Variants in RBFOX1 observed in about 807,000 individuals in gnomAD.
The protein encoded by RBFOX1 is RNA binding protein fox-1 homolog 1.
A neutral mutation model predicts 57.7 loss-of-function variants in RBFOX1; 8 were observed. The ratio of observed to expected loss-of-function variants is 0.14; its 90% CI spans 0.08 to 0.25. The LOEUF is 0.25. Ranked by LOEUF, RBFOX1 falls within the 10% of genes least tolerant of loss-of-function variation. RBFOX1 has a pLI of 1.00. For synonymous variants in RBFOX1, 326 were observed against 222.4 expected (o/e 1.47, Z -4.15); for missense variants, 611 against 548.5 (o/e 1.11, Z -1.14).
intron 10 of RBFOX1, among the ~76,000 whole-genome samples, chr16:7,616,748 T>C (rs1415155854): frequency 6.6e-6 from 1 of 152,116 alleles, no homozygotes; most frequent in Non-Finnish European, 1.5e-5. Flanking sequence ...GCCAGGCTGG[T>C]CTTGAACTCC....
chr16:6,430,096 G>A (rs1338441570), intron 2 of RBFOX1, among the ~76,000 whole-genome samples: 7 of 150,608 alleles, frequency 4.6e-5, no homozygotes, highest in East Asian at 1.9e-4. Context: ...CAACAAGAGC[G>A]AAACTCCATC....
At chr16:6,207,946 A>AT (rs1479760303) in intron 1 of RBFOX1, among the ~76,000 whole-genome samples, 1 of 151,862 alleles carries the variant, frequency 6.6e-6, no homozygotes, top group Admixed American at 6.6e-5. Flanking sequence ...TTACTTCAGA[A>AT]TTTTTTTTAA....
At chr16:6,207,554 A>C (rs947280260) in intron 1 of RBFOX1, among the ~76,000 whole-genome samples, 1 of 152,174 alleles carries the variant, frequency 6.6e-6, no homozygotes, top group African/African-American at 2.4e-5. Context: ...CGGTTTCTAA[A>C]ATTTTTCTCT....
At chr16:5,312,720 A>G (rs1411524527) in intron 1 of RBFOX1, among the ~76,000 whole-genome samples, 1 of 152,238 alleles carries the variant, frequency 6.6e-6, no homozygotes, top group Non-Finnish European at 1.5e-5. Context: ...CAAATGACCA[A>G]CAAACATAGG....
chr16:7,045,525 C>G (rs2047610119), intron 3 of RBFOX1, among the ~76,000 whole-genome samples: 3 of 152,308 alleles, frequency 2.0e-5, no homozygotes, highest in African/African-American at 2.4e-5. Flanking sequence ...GGTGCCACTT[C>G]ACATGGCACA....
chr16:5,523,293 A>G (rs540677268), intron 2 of RBFOX1, among the ~76,000 whole-genome samples: 1 of 152,022 alleles, frequency 6.6e-6, no homozygotes, highest in South Asian at 2.1e-4. Flanking sequence ...TTCAAAAAAA[A>G]CAGGAGAGGG....
At chr16:6,111,271 C>G (rs962638156) in intron 1 of RBFOX1, among the ~76,000 whole-genome samples, 1 of 152,184 alleles carries the variant, frequency 6.6e-6, no homozygotes, top group Non-Finnish European at 1.5e-5. Context: ...GTTGGACATA[C>G]AGGTCTCATA....
chr16:5,852,971 C>G (rs2056934248), intron 3 of RBFOX1, among the ~76,000 whole-genome samples: 1 of 152,132 alleles, frequency 6.6e-6, no homozygotes, highest in Non-Finnish European at 1.5e-5. Flanking sequence ...TGAGTTACTT[C>G]GTTCTCTCTG....
At chr16:7,065,578 G>C (rs899044841) in intron 4 of RBFOX1, among the ~76,000 whole-genome samples, 6 of 152,150 alleles carry the variant, frequency 3.9e-5, no homozygotes, top group Non-Finnish European at 8.8e-5. Context: ...TGGTGTTTTA[G>C]TATGTGTACA....
At chr16:7,339,930 C>T (rs547797667) in intron 4 of RBFOX1, among the ~76,000 whole-genome samples, 39 of 152,358 alleles carry the variant, frequency 2.6e-4, no homozygotes, top group African/African-American at 9.4e-4. Flanking sequence ...CTCACAAGCA[C>T]ACCATGTCCA....
chr16:5,343,180 G>A (rs556595520), intron 1 of RBFOX1, among the ~76,000 whole-genome samples: 2 of 152,074 alleles, frequency 1.3e-5, no homozygotes, highest in Non-Finnish European at 2.9e-5. Flanking sequence ...CTCAAGATGG[G>A]AGACAAAGAT....
chr16:6,863,074 A>G (rs964785087), intron 3 of RBFOX1, among the ~76,000 whole-genome samples: 2 of 152,048 alleles, frequency 1.3e-5, no homozygotes, highest in Non-Finnish European at 2.9e-5. Context: ...TCTATGATGT[A>G]TGGTGGAGAA....
At chr16:7,167,622 CCA>C (rs2079836267) in intron 4 of RBFOX1, among the ~76,000 whole-genome samples, 1 of 152,180 alleles carries the variant, frequency 6.6e-6, no homozygotes, top group African/African-American at 2.4e-5. Context: ...TTGTTTCAAG[CCA>C]CAGTTTTTGA....
At chr16:7,102,005 C>T (rs1032909907) in intron 4 of RBFOX1, among the ~76,000 whole-genome samples, 12 of 152,290 alleles carry the variant, frequency 7.9e-5, no homozygotes, top group African/African-American at 2.9e-4. Flanking sequence ...TGCCGTTTTC[C>T]TTACTCCAAA....
intron 1 of RBFOX1, among the ~76,000 whole-genome samples, chr16:6,026,474 G>A (rs185969237): frequency 4.5e-4 from 68 of 152,336 alleles, no homozygotes; most frequent in Non-Finnish European, 6.8e-4. Context: ...GACAGTCTGA[G>A]TCCACAGCCC....
At chr16:6,226,398 A>AAAT (rs2097418708) in intron 1 of RBFOX1, among the ~76,000 whole-genome samples, 1 of 151,554 alleles carries the variant, frequency 6.6e-6, no homozygotes, top group South Asian at 2.1e-4. Context: ...AAAACAAAAA[A>AAAT]ATATTTCCAA....
At chr16:7,065,664 C>T (rs1323639456) in intron 4 of RBFOX1, among the ~76,000 whole-genome samples, 3 of 152,124 alleles carry the variant, frequency 2.0e-5, no homozygotes, top group South Asian at 2.1e-4. Flanking sequence ...GGTAAGAATA[C>T]TTAAAATTTA....
intron 2 of RBFOX1, among the ~76,000 whole-genome samples, chr16:6,633,335 C>T (rs372404404): frequency 3.9e-5 from 6 of 152,134 alleles, no homozygotes; most frequent in South Asian, 2.1e-4. Context: ...TGGAATGCAG[C>T]GGCACGATCT....
At chr16:6,403,599 C>T (rs536901693) in intron 2 of RBFOX1, among the ~76,000 whole-genome samples, 7 of 152,266 alleles carry the variant, frequency 4.6e-5, no homozygotes, top group Middle Eastern at 3.4e-3. Context: ...ATGGGATCCT[C>T]CTGTCTTGAC....
Sources: gnomAD v4.1 joint callset for allele counts (sites outside exome capture counted in the v4.1 genomes callset) on GRCh38, gnomAD v4.1.1 for gene constraint, MANE v1.5 for transcripts, NCBI Gene and HGNC (gene_info 2026-07-23, HGNC 2026-07-21) for gene names.